Variants in COPB2 observed in about 807,000 individuals in gnomAD.
COPB2 encodes coatomer subunit beta'.
In COPB2, 16 loss-of-function variants were observed where a neutral mutation model predicts 120.8. That is an observed-to-expected ratio of 0.13 (90% CI 0.09 to 0.20). The LOEUF is 0.20. COPB2 is among the 10% of genes least tolerant of loss of function. The probability of loss-of-function intolerance (pLI) is 1.00; values close to 1 mark genes in which losing one functional copy is unlikely to be tolerated. For missense variants in COPB2, 794 were observed against 1,076.5 expected (o/e 0.74, Z 3.67); for synonymous variants, 332 against 366.3 (o/e 0.91, Z 1.07).
chr3:139,374,532 G>A lies in COPB2; in HGVS notation c.708C>T (p.Ser236=). The A allele has an allele frequency of 6.2e-7, 1 of 1,613,980 alleles. No homozygotes were observed. Among genetic ancestry groups the A allele is most frequent in the Non-Finnish European group, 8.5e-7 (1 of 1,179,924 alleles). ...TAATGATTGGCAACTCAGGATGAAA[G>A]CTGGCACAAGACACATTTTGGGCAT... The part of the protein sequence containing the change: ...EGHAQNVSCA[S]FHPELPIIIT... Residue 236 remains serine, a synonymous_variant, in exon 7 of 22, where the codon AGC becomes AGT. Coordinates refer to ENST00000333188, the MANE Select transcript of COPB2 (RefSeq NM_004766.3).
At chr3:139,386,589 A>G (rs1398685427) in intron 1 of COPB2, among the ~76,000 whole-genome samples, 5 of 151,948 alleles carry the variant, frequency 3.3e-5, no homozygotes, top group African/African-American at 4.8e-5. Context: ...TTTTTACTTC[A>G]TTTCTGAATT....
In COPB2 at chr3:139,366,653, C is replaced by T. The variant is rs760431614; in HGVS notation, c.1799G>A (p.Arg600Gln). 1.2e-5 allele frequency: 20 copies of T among 1,613,974 alleles called. No homozygotes were observed. Among genetic ancestry groups the T allele is most frequent in the African/African-American group, 2.7e-5 (2 of 74,922 alleles). ...SVLEYQTAVM[R>Q]RDFSMADKVL... ...CTTATCAGCCATGCTAAAGTCCCTCCGCATGACAGCTGTCTGGTATTCCAG... is the reference window on the plus strand; with the variant it reads ...CTTATCAGCCATGCTAAAGTCCCTCTGCATGACAGCTGTCTGGTATTCCAG... Residue 600 changes from arginine to glutamine, a missense_variant, in exon 15 of 22, where the codon CGG (arginine) becomes CAG (glutamine). Arg to Gln is a conservative substitution (Grantham distance 43, BLOSUM62 1). This residue lies in a region of COPB2 where 610 missense variants were observed against 866.7 expected (regional missense o/e 0.70). Transcript: ENST00000333188.
chr3:139,360,855 G>C (rs1249453472), intron 17 of COPB2, among the ~76,000 whole-genome samples: 1 of 152,140 alleles, frequency 6.6e-6, no homozygotes, highest in Non-Finnish European at 1.5e-5. Context: ...TCTCCCACTT[G>C]AGCCTCCCTG....
At chr3:139,363,985 A>G (rs931511580) in intron 15 of COPB2, among the ~76,000 whole-genome samples, 5 of 152,216 alleles carry the variant, frequency 3.3e-5, no homozygotes, top group African/African-American at 1.2e-4. Flanking sequence ...GAGGCGGACT[A>G]AAATATATAC....
intron 4 of COPB2, 73 bp downstream of exon 4, chr3:139,378,974 G>C: frequency 3.5e-6 from 5 of 1,442,170 alleles, no homozygotes; most frequent in Non-Finnish European, 4.6e-6. Flanking sequence ...AGCAGTTAAA[G>C]CATAGCATGT....
chr3:139,358,536 G>A (rs553345767), intron 20 of COPB2: 32 of 601,170 alleles, frequency 5.3e-5, no homozygotes, highest in South Asian at 4.4e-4. Context: ...AAAATTAGCC[G>A]GACCGGTGAT....
At chr3:139,371,263 A>G (rs1341175833) in intron 10 of COPB2, among the ~76,000 whole-genome samples, 3 of 152,252 alleles carry the variant, frequency 2.0e-5, no homozygotes, top group African/African-American at 7.2e-5. Flanking sequence ...ATCACAGAAA[A>G]TAAGTTTTAA....
chr3:139,364,142 C>A (rs1236427847), intron 15 of COPB2, among the ~76,000 whole-genome samples: 1 of 152,060 alleles, frequency 6.6e-6, no homozygotes, highest in East Asian at 1.9e-4. Flanking sequence ...GGAATATAAA[C>A]ATTTTGTTAA....
chr3:139,361,170 T>A lies in COPB2; in HGVS notation c.2121A>T (p.Gly707=). 3.1e-6 allele frequency: 5 copies of A among 1,614,230 alleles called. No homozygotes were observed. The South Asian group carries it at 5.5e-5, about 18-fold the overall frequency. ...CTAGCTTGTTCACCATATTAGCATT[T>A]CCAGAGGCAGTGGCCAAAAGCAGCA... ...GGLLLLATAS[G]NANMVNKLAE... is the part of the protein sequence containing the mutation. The change falls in exon 17 of 22, where the codon GGA becomes GGT. Residue 707 remains glycine (G), a synonymous_variant. Coordinates refer to ENST00000333188, the MANE Select transcript of COPB2 (RefSeq NM_004766.3).
intron 1 of COPB2, among the ~76,000 whole-genome samples, chr3:139,383,991 T>C (rs1941864881): frequency 6.6e-6 from 1 of 152,214 alleles, no homozygotes; most frequent in South Asian, 2.1e-4. Context: ...TGTTGTGATA[T>C]GTTGTTTTGG....
At chr3:139,383,520 C>T in intron 1 of COPB2, 85 bp from the exon 2 acceptor site, 2 of 1,225,984 alleles carry the variant, frequency 1.6e-6, no homozygotes, top group Middle Eastern at 2.0e-4. Context: ...ATGAATAGGC[C>T]TACAAAACAA....
intron 5 of COPB2, among the ~76,000 whole-genome samples, chr3:139,376,173 C>T (rs1011985338): frequency 2.0e-5 from 3 of 152,196 alleles, no homozygotes; most frequent in African/African-American, 7.2e-5. Flanking sequence ...AGGAGGATCG[C>T]TTTAGCCCAG....
chr3:139,362,404 T>C lies in COPB2; in HGVS notation c.1995+3A>G. 1 of 1,599,836 alleles carries C rather than the reference T, an allele frequency of 6.3e-7. No individual in the cohort carries two copies. The highest frequency in any genetic ancestry group is 1.7e-4 in the Middle Eastern group (1 of 6,024). On this transcript the variant is annotated splice_donor_region_variant and intron_variant, in intron 16 of 21. Coordinates refer to ENST00000333188, the MANE Select transcript of COPB2 (RefSeq NM_004766.3). ...TTATGAAAAATCATGAATTAGTACA[T>C]ACCTCTGCTTCCACTGCTAACTGGT...
intron 15 of COPB2, among the ~76,000 whole-genome samples, chr3:139,363,801 C>G (rs1057065870): frequency 6.6e-6 from 1 of 152,176 alleles, no homozygotes; most frequent in African/African-American, 2.4e-5. Flanking sequence ...TCAGCTTATA[C>G]AGGCTGCCAA....
chr3:139,369,175 G>T, intron 12 of COPB2, 86 bp downstream of exon 12: 2 of 946,456 alleles, frequency 2.1e-6, no homozygotes, highest in Non-Finnish European at 3.2e-6. Flanking sequence ...GGAGAGCAGG[G>T]TACAAAAGAC....
rs572682246 is a variant in COPB2 at position 139,379,573 on chromosome 3, G to A, written c.142-107C>T. ...ATTTTTAAGATCACTTCTCATTTTAGTATATTCTCAGGCTAAAATATAAAA... is the reference window on the plus strand; with the variant it reads ...ATTTTTAAGATCACTTCTCATTTTAATATATTCTCAGGCTAAAATATAAAA... On this transcript the variant is annotated intron_variant, in intron 2 of 21. Transcript: ENST00000333188. The A allele has an allele frequency of 4.6e-6, 4 of 863,936 alleles. No homozygotes were observed. In the South Asian group the frequency reaches 5.3e-5, roughly 11 times the overall value. 53.5% of individuals were successfully genotyped at this position (863,936 alleles called of 1,614,324 possible).
Position 139,378,035 on chromosome 3 carries a change from C to T in COPB2, c.504+6G>A. 4 of 1,520,976 alleles carry T rather than the reference C, an allele frequency of 2.6e-6. No individual in the cohort carries two copies. The highest frequency in any genetic ancestry group is 1.3e-5 in the South Asian group (1 of 76,990). 94.2% of individuals were successfully genotyped at this position (1,520,976 alleles called of 1,614,324 possible). The stretch of plus-strand genomic sequence containing the variant: ...TGATAACTGACACAAAATGTGGATG[C>T]CCTACCTTGATAGTCCTGTCCAAAG... On this transcript the variant is annotated splice_donor_region_variant and intron_variant, in intron 5 of 21. Coordinates refer to ENST00000333188, the MANE Select transcript of COPB2 (RefSeq NM_004766.3).
intron 7 of COPB2, 101 bp from the exon 8 acceptor site, chr3:139,373,909 A>AGAAT: frequency 7.1e-7 from 1 of 1,416,660 alleles, no homozygotes; most frequent in Non-Finnish European, 9.5e-7. Flanking sequence ...TCAAACAGAT[A>AGAAT]ACACTTCCTG....
At chr3:139,385,820 G>A (rs181144869) in intron 1 of COPB2, among the ~76,000 whole-genome samples, 6 of 152,210 alleles carry the variant, frequency 3.9e-5, no homozygotes, top group Admixed American at 1.3e-4. Context: ...CCTTAGGGCA[G>A]TGGGCTTAAT....
Sources: gnomAD v4.1 joint callset for allele counts (sites outside exome capture counted in the v4.1 genomes callset) on GRCh38, gnomAD v4.1.1 for gene constraint, gnomAD v4.1.1 regional missense constraint, MANE v1.5 for transcripts, NCBI Gene and HGNC (gene_info 2026-07-23, HGNC 2026-07-21) for gene names.